Variants in LRRC9 observed in about 807,000 individuals in gnomAD.
LRRC9 encodes the protein leucine-rich repeat-containing protein 9.
LRRC9 carries 122 observed loss-of-function variants against 63.2 expected under a neutral mutation model. The observed-to-expected ratio is 1.93, with a 90% CI of 1.67 to 2.24. LRRC9 has a LOEUF of 2.24. Ranked by LOEUF, LRRC9 falls within the 30% of genes most tolerant of loss-of-function variation. The probability of loss-of-function intolerance (pLI) is 0.00; values close to 1 mark genes in which losing one functional copy is unlikely to be tolerated. For synonymous variants in LRRC9, 366 were observed against 213.1 expected, an observed-to-expected ratio of 1.72 and a Z score of -6.25; for missense variants, 1,071 against 627.7, an observed-to-expected ratio of 1.71 and a Z score of -7.55.
rs548933148 is a variant in LRRC9 at position 60,023,957 on chromosome 14, G to A, written c.3703+1087G>A. Among the ~76,000 whole-genome samples the A allele has an allele frequency of 1.1e-4, 17 of 151,958 alleles. No individual in the cohort carries two copies. The East Asian group carries it at 1.4e-3, about 12-fold the overall frequency. On this transcript the variant is annotated intron_variant, in intron 27 of 31. Coordinates refer to ENST00000445360, the Ensembl canonical transcript of LRRC9. ...TGATGGTTTCCAGCTCATCCATGTCGCCACAAAGGACATGAACTCATTCTT... is the reference window on the plus strand; with the variant it reads ...TGATGGTTTCCAGCTCATCCATGTCACCACAAAGGACATGAACTCATTCTT...
In LRRC9 at chr14:60,017,090, G is replaced by T. The variant is rs564000967; in HGVS notation, c.3317+300G>T. On this transcript the variant is annotated intron_variant, in intron 24 of 31. Coordinates refer to ENST00000445360, the Ensembl canonical transcript of LRRC9. This position sits in a 1 kb window ranked among gnomAD's most constrained non-coding sequence, Gnocchi z 4.0. ...GTGGAGACAGCATTTATGCCATGTTGCCAGGCTGGTCTCCAATCATGGGCT... is the reference window on the plus strand; with the variant it reads ...GTGGAGACAGCATTTATGCCATGTTTCCAGGCTGGTCTCCAATCATGGGCT... 4.0e-5 allele frequency among the ~76,000 whole-genome samples: 6 copies of T among 151,896 alleles called. No individual in the cohort carries two copies. In the South Asian group the frequency reaches 1.2e-3, roughly 32 times the overall value.
intron 7 of LRRC9, among the ~76,000 whole-genome samples, chr14:59,943,658 G>A (rs1344452154): frequency 2.0e-5 from 3 of 152,020 alleles, no homozygotes; most frequent in African/African-American, 7.2e-5. Context: ...GGAATTTGGT[G>A]ATTTCAGTTG....
At position 59,957,474 on chromosome 14, in the gene LRRC9, C is replaced by T. The variant is rs570665151; in HGVS notation, c.883-2344C>T. 1.6e-4 allele frequency among the ~76,000 whole-genome samples: 24 copies of T among 151,952 alleles called. 1 individual carries two copies. Among genetic ancestry groups the T allele is most frequent in the Non-Finnish European group, 4.4e-5 (3 of 68,002 alleles). On this transcript the variant is annotated intron_variant, in intron 8 of 31. Transcript: ENST00000445360. ...AGTTCTTATGCTGTGTTTTTCAGCT[C>T]CATCAGGTCATTTATGTTCTTCTCT...
chr14:59,967,933 T>G (rs1225900030), intron 12 of LRRC9, among the ~76,000 whole-genome samples: 1 of 152,178 alleles, frequency 6.6e-6, no homozygotes, highest in Non-Finnish European at 1.5e-5. Flanking sequence ...TAGGATTTAG[T>G]GAGATAATGC....
At chr14:60,025,338 G>C (rs947093031) in intron 27 of LRRC9, among the ~76,000 whole-genome samples, 6 of 151,684 alleles carry the variant, frequency 4.0e-5, no homozygotes, top group African/African-American at 1.5e-4. Flanking sequence ...CTGGCCTTAA[G>C]AGATCCTTTC....
chr14:59,970,834 T>A (rs192996123), intron 12 of LRRC9, among the ~76,000 whole-genome samples: 31 of 152,306 alleles, frequency 2.0e-4, no homozygotes, highest in African/African-American at 7.5e-4. Flanking sequence ...TAGACCTTTG[T>A]TGGATGCACA....
chr14:59,971,763 A>C (rs1885533116), intron 12 of LRRC9, among the ~76,000 whole-genome samples: 1 of 151,962 alleles, frequency 6.6e-6, no homozygotes, highest in African/African-American at 2.4e-5. Context: ...ATCATTTTCC[A>C]GTGGCTCTTC....
rs191112849 is a variant in LRRC9 at position 59,973,810 on chromosome 14, A to T, written c.1507-766A>T. 7.4e-3 allele frequency among the ~76,000 whole-genome samples: 1,134 copies of T among 152,226 alleles called. 8 individuals are homozygous for T. The highest frequency in any genetic ancestry group is 0.011 in the Non-Finnish European group (750 of 67,960). On this transcript the variant is annotated intron_variant, in intron 12 of 31. Coordinates refer to ENST00000445360, the Ensembl canonical transcript of LRRC9. Reference sequence around the variant, plus strand: ...GATTGCAGATTTCAATTAAAAAAATAAGTAATTTGGCATTTACAGATAAGA... The same window carrying T: ...GATTGCAGATTTCAATTAAAAAAATTAGTAATTTGGCATTTACAGATAAGA...
At chr14:59,992,674 T>A (rs1888281011) in intron 17 of LRRC9, among the ~76,000 whole-genome samples, 1 of 152,038 alleles carries the variant, frequency 6.6e-6, no homozygotes, top group Non-Finnish European at 1.5e-5. Context: ...ACAAGCTTAG[T>A]AGCCAATTCG....
chr14:59,974,511 T>G, intron 12 of LRRC9, 65 bp from the exon 13 acceptor site: 1 of 503,560 alleles, frequency 2.0e-6, no homozygotes, highest in African/African-American at 2.0e-5. Flanking sequence ...TAATAAACCC[T>G]CTGTATTGAA....
At chr14:59,939,094 T>C (rs1211101854) in intron 7 of LRRC9, among the ~76,000 whole-genome samples, 1 of 52,954 alleles carries the variant, frequency 1.9e-5, no homozygotes, top group African/African-American at 9.5e-5. Context: ...CATATATACA[T>C]ATATATACAC....
At chr14:59,952,306 T>A (rs1287236525) in intron 8 of LRRC9, among the ~76,000 whole-genome samples, 1 of 152,206 alleles carries the variant, frequency 6.6e-6, no homozygotes, top group East Asian at 1.9e-4. Flanking sequence ...GAAAGGGAAC[T>A]CCCTGACCCC....
intron 1 of LRRC9, among the ~76,000 whole-genome samples, chr14:59,921,007 T>G (rs1273283769): frequency 6.6e-6 from 1 of 152,196 alleles, no homozygotes; most frequent in Admixed American, 6.5e-5. Flanking sequence ...AAAGAGTATG[T>G]GCAAGCCCTA....
intron 29 of LRRC9, 94 bp downstream of exon 29, chr14:60,032,157 G>A (rs1345839571): frequency 3.3e-6 from 2 of 604,436 alleles, no homozygotes; most frequent in Non-Finnish European, 5.9e-6. Flanking sequence ...TTAGTTTTAT[G>A]CTTCTGTATG....
At position 59,938,254 on chromosome 14, in the gene LRRC9, A is replaced by G; in HGVS notation, c.544-136A>G. 2.2e-6 allele frequency: 1 copy of G among 461,246 alleles called. No homozygotes were observed. Among genetic ancestry groups the G allele is most frequent in the East Asian group, 3.4e-5 (1 of 29,112 alleles). 28.6% of individuals were successfully genotyped at this position (461,246 alleles called of 1,614,324 possible). A position where few individuals can be genotyped will look rare whatever the true frequency, so the allele number is the denominator to read the frequency against. On this transcript the variant is annotated intron_variant, in intron 6 of 31. Transcript: ENST00000445360. This position sits in a 1 kb window ranked among gnomAD's most constrained non-coding sequence, Gnocchi z 4.2. Reference sequence around the variant, plus strand: ...GCTTTTCAATAGAGAGAAACATTTTAGGCATCTAAATCACTTTAATGTATT... The same window carrying G: ...GCTTTTCAATAGAGAGAAACATTTTGGGCATCTAAATCACTTTAATGTATT...
intron 29 of LRRC9, among the ~76,000 whole-genome samples, chr14:60,046,304 T>C (rs1893420295): frequency 6.6e-6 from 1 of 152,256 alleles, no homozygotes; most frequent in Non-Finnish European, 1.5e-5. Context: ...TTTTTGCTTT[T>C]GTTGCAATTG....
chr14:60,041,516 T>C (rs1288660502), intron 29 of LRRC9, among the ~76,000 whole-genome samples: 2 of 152,212 alleles, frequency 1.3e-5, no homozygotes, highest in African/African-American at 4.8e-5. Flanking sequence ...TGATACCCTT[T>C]CTTCCACTTG....
intron 7 of LRRC9, among the ~76,000 whole-genome samples, chr14:59,944,207 T>A (rs1011667140): frequency 3.9e-5 from 6 of 151,994 alleles, no homozygotes; most frequent in African/African-American, 1.4e-4. Flanking sequence ...TTAATTCTTA[T>A]TAATTTATTT....
rs1889103165 is a variant in LRRC9 at position 59,999,089 on chromosome 14, GTT to G, written c.2404-8_2404-7del. 4 of 625,756 alleles carry G rather than the reference GTT, an allele frequency of 6.4e-6. No homozygotes were observed. In the African/African-American group the frequency reaches 7.5e-5, roughly 12 times the overall value. 38.8% of individuals were successfully genotyped at this position (625,756 alleles called of 1,614,324 possible). A position where few individuals can be genotyped will look rare whatever the true frequency, so the allele number is the denominator to read the frequency against. Reference sequence around the variant, plus strand: ...ACAGTTTATAAAAAATTTTTTTTTTGTTTTTCCCAAGCCAGCCACATTGAGGC... The same window carrying G: ...ACAGTTTATAAAAAATTTTTTTTTTGTTTCCCAAGCCAGCCACATTGAGGC... On this transcript the variant is annotated splice_polypyrimidine_tract_variant and intron_variant, in intron 18 of 31. Coordinates refer to ENST00000445360, the Ensembl canonical transcript of LRRC9.
Sources: gnomAD v4.1 joint callset for allele counts (sites outside exome capture counted in the v4.1 genomes callset) on GRCh38, gnomAD v4.1.1 for gene constraint, Gnocchi (gnomAD v3.1) non-coding constraint, MANE v1.5 for transcripts, NCBI Gene and HGNC (gene_info 2026-07-23, HGNC 2026-07-21) for gene names.